STIM1: variants seen among roughly 807,000 people sequenced by gnomAD.
The protein encoded by STIM1 is stromal interaction molecule 1.
STIM1 carries 25 observed loss-of-function variants against 74.7 expected under a neutral mutation model. The ratio of observed to expected loss-of-function variants is 0.33; its 90% CI spans 0.24 to 0.47. The LOEUF is 0.47. Among genes scored for constraint, STIM1 ranks in the 20% least tolerant of loss-of-function variants. The pLI is 1.00. For synonymous variants in STIM1, 328 were observed against 348.8 expected (o/e 0.94, Z 0.66); for missense variants, 728 against 920.8 (o/e 0.79, Z 2.71).
chr11:4,054,764 T>G (rs1303838917), intron 3 of STIM1, among the ~76,000 whole-genome samples: 3 of 152,214 alleles, frequency 2.0e-5, no homozygotes, highest in Non-Finnish European at 4.4e-5. Context: ...ATCTTTTCTT[T>G]TGCACCTGTC....
intron 2 of STIM1, among the ~76,000 whole-genome samples, chr11:3,979,964 C>G (rs1192886956): frequency 6.6e-6 from 1 of 152,122 alleles, no homozygotes; most frequent in African/African-American, 2.4e-5. Flanking sequence ...TGAACCTTCC[C>G]TGACTTTCCC....
At chr11:3,947,010 T>G (rs1376306395) in intron 1 of STIM1, among the ~76,000 whole-genome samples, 2 of 152,198 alleles carry the variant, frequency 1.3e-5, no homozygotes, top group African/African-American at 4.8e-5. Context: ...TGGGGGGGTC[T>G]TAGTTTCCTC....
intron 5 of STIM1, among the ~76,000 whole-genome samples, chr11:4,061,271 G>C (rs1276700636): frequency 3.9e-5 from 6 of 152,126 alleles, no homozygotes; most frequent in Non-Finnish European, 7.4e-5. Flanking sequence ...ACCAACAAGA[G>C]GGGCCCTGGT....
chr11:3,916,759 T>C (rs537821260), intron 1 of STIM1, among the ~76,000 whole-genome samples: 48 of 152,190 alleles, frequency 3.2e-4, no homozygotes, highest in African/African-American at 1.1e-3. Flanking sequence ...GCCATTTTTT[T>C]GTATTTTTAG....
intron 2 of STIM1, among the ~76,000 whole-genome samples, chr11:4,006,331 G>A (rs1413684299): frequency 6.6e-6 from 1 of 152,172 alleles, no homozygotes; most frequent in African/African-American, 2.4e-5. Flanking sequence ...AAGCTGCTAT[G>A]CTTCCTGTAC....
chr11:3,958,687 T>C (rs181023492), intron 1 of STIM1, among the ~76,000 whole-genome samples: 2 of 151,934 alleles, frequency 1.3e-5, no homozygotes, highest in Non-Finnish European at 2.9e-5. Context: ...CACATTTCCA[T>C]AGTCAGGCGC....
intron 1 of STIM1, among the ~76,000 whole-genome samples, chr11:3,858,317 T>G (rs2090466495): frequency 1.3e-5 from 2 of 152,052 alleles, no homozygotes; most frequent in Admixed American, 1.3e-4. Flanking sequence ...CTTGAGCTTT[T>G]GGAGACAATT....
At chr11:3,856,923 G>A (rs1376346104) in intron 1 of STIM1, among the ~76,000 whole-genome samples, 1 of 152,058 alleles carries the variant, frequency 6.6e-6, no homozygotes, top group Non-Finnish European at 1.5e-5. Flanking sequence ...AGGTAGTCTT[G>A]TCTCTTTGCT....
At chr11:3,939,516 T>TA (rs907805904) in intron 1 of STIM1, among the ~76,000 whole-genome samples, 15 of 152,264 alleles carry the variant, frequency 9.9e-5, no homozygotes, top group African/African-American at 3.1e-4. Flanking sequence ...TTACCACAAT[T>TA]AAAAAAATAC....
chr11:3,883,203 C>T (rs2091582603), intron 1 of STIM1, among the ~76,000 whole-genome samples: 5 of 152,104 alleles, frequency 3.3e-5, no homozygotes, highest in Admixed American at 3.3e-4. Flanking sequence ...TCCTTCTTTT[C>T]TCTGGTGGTT....
At chr11:3,876,985 C>A (rs866631281) in intron 1 of STIM1, among the ~76,000 whole-genome samples, 14 of 152,068 alleles carry the variant, frequency 9.2e-5, no homozygotes, top group African/African-American at 3.4e-4. Context: ...TTACTGAGTG[C>A]GTTGCTCAGT....
chr11:3,876,801 G>A (rs557980664), intron 1 of STIM1, among the ~76,000 whole-genome samples: 20 of 152,274 alleles, frequency 1.3e-4, no homozygotes, highest in African/African-American at 4.6e-4. Context: ...AGGCAGTTTG[G>A]TTTAGAATGA....
chr11:4,073,058 T>G (rs1351471774), intron 6 of STIM1, among the ~76,000 whole-genome samples: 3 of 149,628 alleles, frequency 2.0e-5, no homozygotes, highest in Non-Finnish European at 4.5e-5. Flanking sequence ...GTTTTTTTTT[T>G]TTTTTTTTTT....
intron 2 of STIM1, among the ~76,000 whole-genome samples, chr11:4,009,642 G>C (rs1006823900): frequency 6.6e-6 from 1 of 150,954 alleles, no homozygotes; most frequent in African/African-American, 2.4e-5. Context: ...AATAAATAAA[G>C]TAAAATAAAA....
intron 12 of STIM1, among the ~76,000 whole-genome samples, chr11:4,090,294 T>G (rs1481606438): frequency 2.0e-5 from 3 of 152,190 alleles, no homozygotes; most frequent in Non-Finnish European, 4.4e-5. Context: ...CAAGTTTAGA[T>G]GACTTGACTT....
intron 5 of STIM1, among the ~76,000 whole-genome samples, chr11:4,066,379 C>T (rs2094365592): frequency 1.3e-5 from 2 of 152,232 alleles, no homozygotes; most frequent in African/African-American, 2.4e-5. Context: ...TGTATTGTAG[C>T]TCCCTTTCCA....
At chr11:4,091,217 C>T (rs1048228724) in intron 12 of STIM1, 65 bp from the exon 13 acceptor site, 30 of 1,608,130 alleles carry the variant, frequency 1.9e-5, no homozygotes, top group South Asian at 9.9e-5. Context: ...CTCTCCTCTT[C>T]GCCTTTCCCC....
chr11:3,895,610 CTT>C (rs112955735), intron 1 of STIM1, among the ~76,000 whole-genome samples: 11,534 of 37,096 alleles, frequency 0.31, 972 homozygotes, highest in Non-Finnish European at 0.35. Context: ...CTTTCTCTCT[CTT>C]TCTTTCTTTC....
At chr11:4,031,624 GACTA>G (rs2094051092) in intron 3 of STIM1, among the ~76,000 whole-genome samples, 1 of 152,144 alleles carries the variant, frequency 6.6e-6, no homozygotes, top group South Asian at 2.1e-4. Flanking sequence ...TTTGCCTAAT[GACTA>G]ACAATGTTGA....
Sources: gnomAD v4.1 joint callset for allele counts (sites outside exome capture counted in the v4.1 genomes callset) on GRCh38, gnomAD v4.1.1 for gene constraint, MANE v1.5 for transcripts, NCBI Gene and HGNC (gene_info 2026-07-23, HGNC 2026-07-21) for gene names.